ZNF624: variants seen among roughly 807,000 people sequenced by gnomAD.
The protein encoded by ZNF624 is zinc finger protein 624.
Under a neutral mutation model 74.7 loss-of-function variants are expected in ZNF624, and 43 were observed. The ratio of observed to expected loss-of-function variants is 0.58; its 90% CI spans 0.45 to 0.74. ZNF624 has a LOEUF of 0.74. Ranked by LOEUF, ZNF624 falls within the 30% of genes least tolerant of loss-of-function variation. The pLI is 0.00. For synonymous variants in ZNF624, 331 were observed against 341.3 expected (o/e 0.97, Z 0.33); for missense variants, 820 against 1,030.0 (o/e 0.80, Z 2.79).
At position 16,629,248 on chromosome 17, in the gene ZNF624, A is replaced by G. The variant is rs1597492620; in HGVS notation, c.376+4614T>C. Among the ~76,000 whole-genome samples, 3 of 144,002 alleles carry G rather than the reference A, an allele frequency of 2.1e-5. No individual in the cohort carries two copies. The South Asian group carries it at 6.5e-4, about 31-fold the overall frequency. 94.5% of individuals were successfully genotyped at this position (144,002 alleles called of 152,430 possible). On this transcript the variant is annotated intron_variant, in intron 5 of 5. Coordinates refer to ENST00000311331, the MANE Select transcript of ZNF624 (RefSeq NM_020787.4). ...TCTGTCTCTCTCTCTTTTTTTTTTT[A>G]AACAGTGTCTTGCTCTGTCACCCAG...
intron 3 of ZNF624, among the ~76,000 whole-genome samples, chr17:16,641,873 T>G (rs2142633761): frequency 6.6e-6 from 1 of 152,330 alleles, no homozygotes; most frequent in Non-Finnish European, 1.5e-5. Context: ...AATAACTATT[T>G]CAAAAGGAAA....
Position 16,623,045 on chromosome 17 carries a change from C to T in ZNF624, c.1841G>A (p.Cys614Tyr). 1.9e-6 allele frequency: 3 copies of T among 1,613,946 alleles called. No homozygotes were observed. The highest frequency in any genetic ancestry group is 2.5e-6 in the Non-Finnish European group (3 of 1,179,930). ...GGTGAATGCCCTCTCGCAGTCAGTACATTTATATGGTTTCTCTCCAGTGTG... is the reference window on the plus strand; with the variant it reads ...GGTGAATGCCCTCTCGCAGTCAGTATATTTATATGGTTTCTCTCCAGTGTG... Reference protein sequence around the residue: ...RIHTGEKPYKCTDCERAFTKM... With the variant: ...RIHTGEKPYKYTDCERAFTKM... Residue 614 changes from cysteine (C) to tyrosine (Y), a missense_variant, in exon 6 of 6, where the codon TGT (cysteine) becomes TAT (tyrosine). Transcript: ENST00000311331. This position sits in a 1 kb window ranked among gnomAD's most constrained non-coding sequence, Gnocchi z 5.3.
downstream of ZNF624, chr17:16,616,866 C>T: frequency 1.5e-6 from 2 of 1,355,162 alleles, no homozygotes; most frequent in Admixed American, 2.2e-5. Flanking sequence ...TGGAACTCGA[C>T]CTGGACCTTG....
At chr17:16,614,842 A>C in the ZNF624 span, among the ~76,000 whole-genome samples, 1 of 152,210 alleles carries the variant, frequency 6.6e-6, no homozygotes, top group African/African-American at 2.4e-5. Flanking sequence ...TATTACCCAC[A>C]ATGACCAAAT....
chr17:16,647,014 C>G (rs929615714), intron 3 of ZNF624, among the ~76,000 whole-genome samples: 1 of 152,192 alleles, frequency 6.6e-6, no homozygotes, highest in South Asian at 2.1e-4. Context: ...CATCTTAACA[C>G]TATTTCCACA....
intron 3 of ZNF624, among the ~76,000 whole-genome samples, chr17:16,641,030 G>A (rs1161599519): frequency 6.6e-6 from 1 of 152,056 alleles, no homozygotes; most frequent in Non-Finnish European, 1.5e-5. Flanking sequence ...AGGAATACAA[G>A]GTTTATGTAA....
At chr17:16,635,061 T>TAAA (rs1909295685) in intron 3 of ZNF624, among the ~76,000 whole-genome samples, 1 of 152,206 alleles carries the variant, frequency 6.6e-6, no homozygotes, top group Non-Finnish European at 1.5e-5. Context: ...ACAGCACGGT[T>TAAA]TCCTCCTTCC....
At chr17:16,616,993 C>T, downstream of ZNF624, 1 of 1,605,476 alleles carries the variant, frequency 6.2e-7, no homozygotes, top group Non-Finnish European at 8.5e-7. Context: ...ACGGGACTGG[C>T]TCCTTGATCT....
chr17:16,653,297 C>G (rs1366340379), intron 1 of ZNF624, among the ~76,000 whole-genome samples: 1 of 150,906 alleles, frequency 6.6e-6, no homozygotes, highest in Non-Finnish European at 1.5e-5. Flanking sequence ...CCATCCCTGC[C>G]AGTTCAGAAG....
intron 3 of ZNF624, among the ~76,000 whole-genome samples, chr17:16,646,445 A>T (rs1185888475): frequency 3.3e-5 from 5 of 152,262 alleles, no homozygotes; most frequent in Admixed American, 6.5e-5. Flanking sequence ...GGATAATTTT[A>T]AAAAACTTAA....
chr17:16,647,201 A>G (rs1909613880), intron 3 of ZNF624, 128 bp downstream of exon 3: 1 of 813,514 alleles, frequency 1.2e-6, no homozygotes, highest in Admixed American at 2.0e-5. Context: ...TGATGCCACC[A>G]GCCCTGGGGC....
intron 3 of ZNF624, among the ~76,000 whole-genome samples, chr17:16,645,962 A>G (rs1052343793): frequency 9.2e-5 from 14 of 151,360 alleles, no homozygotes; most frequent in South Asian, 8.3e-4. Context: ...AAAAAAAAAA[A>G]AAAGAAAATG....
At chr17:16,615,258 C>T in the ZNF624 span, among the ~76,000 whole-genome samples, 8 of 152,074 alleles carry the variant, frequency 5.3e-5, no homozygotes, top group East Asian at 1.9e-4. Context: ...CCACCACGCC[C>T]GGCTAATTTT....
At position 16,622,694 on chromosome 17, in the gene ZNF624, T is replaced by A. The variant is rs1252667574; in HGVS notation, c.2192A>T (p.Lys731Ile). Residue 731 changes from lysine to isoleucine, a missense_variant, in exon 6 of 6, where the codon AAA becomes ATA. Lys to Ile is a moderately radical substitution (Grantham distance 102). Coordinates refer to ENST00000311331, the MANE Select transcript of ZNF624 (RefSeq NM_020787.4). ...GACATGTACCATCTGGCTAAATGCT[T>A]TCCCACAGTCATTACATTTAAATGG... ...EKPFKCNDCG[K>I]AFSQMVHVTE... 1.2e-6 allele frequency: 2 copies of A among 1,613,990 alleles called. No individual in the cohort carries two copies. Among genetic ancestry groups the A allele is most frequent in the South Asian group, 2.2e-5 (2 of 91,072 alleles).
chr17:16,617,003 T>G, downstream of ZNF624: 1 of 1,607,344 alleles, frequency 6.2e-7, no homozygotes, highest in East Asian at 2.2e-5. Flanking sequence ...CTCCTTGATC[T>G]GGATTTTGAC....
At chr17:16,652,268 A>G (rs1386416774) in intron 1 of ZNF624, among the ~76,000 whole-genome samples, 2 of 152,168 alleles carry the variant, frequency 1.3e-5, no homozygotes, top group African/African-American at 4.8e-5. Context: ...TCCCAAGCCC[A>G]TACACTGACC....
At chr17:16,635,893 A>C (rs937617992) in intron 3 of ZNF624, among the ~76,000 whole-genome samples, 4 of 152,116 alleles carry the variant, frequency 2.6e-5, no homozygotes, top group East Asian at 1.9e-4. Context: ...AAAAAAAAAA[A>C]ACACATTTCC....
chr17:16,637,934 T>G (rs1486051866), intron 3 of ZNF624, among the ~76,000 whole-genome samples: 2 of 152,030 alleles, frequency 1.3e-5, no homozygotes, highest in Non-Finnish European at 2.9e-5. Flanking sequence ...ACAGGCAACC[T>G]ACAAAATGGG....
chr17:16,630,430 G>A (rs1455090207), intron 5 of ZNF624, among the ~76,000 whole-genome samples: 1 of 152,086 alleles, frequency 6.6e-6, no homozygotes, highest in Non-Finnish European at 1.5e-5. Context: ...GGTGGTGCAT[G>A]CCTGTAATCC....
Sources: gnomAD v4.1 joint callset for allele counts (sites outside exome capture counted in the v4.1 genomes callset) on GRCh38, gnomAD v4.1.1 for gene constraint, Gnocchi (gnomAD v3.1) non-coding constraint, MANE v1.5 for transcripts, NCBI Gene and HGNC (gene_info 2026-07-23, HGNC 2026-07-21) for gene names.